The following CIP2A variants were observed in gnomAD, a reference collection of about 807,000 sequenced individuals.
CIP2A encodes protein CIP2A.
Under a neutral mutation model 110.9 loss-of-function variants are expected in CIP2A, and 103 were observed. The ratio of observed to expected loss-of-function variants is 0.93; its 90% CI spans 0.79 to 1.09. CIP2A has a LOEUF of 1.09. CIP2A is among the 50% of genes least tolerant of loss of function. CIP2A has a pLI of 0.00. For missense variants in CIP2A, 1,088 were observed against 1,038.4 expected (o/e 1.05, Z -0.66); for synonymous variants, 381 against 361.6 (o/e 1.05, Z -0.61).
chr3:108,569,720 A>C (rs577471195), intron 8 of CIP2A, 113 bp from the exon 9 acceptor site: 2 of 791,328 alleles, frequency 2.5e-6, no homozygotes, highest in African/African-American at 3.5e-5. Flanking sequence ...ATTCTAAAAC[A>C]AAACTTAAGT....
At position 108,553,892 on chromosome 3, in the gene CIP2A, AAT is replaced by A. The variant is rs1491580967; in HGVS notation, c.2325-164_2325-163del. Among the ~76,000 whole-genome samples, 161 of 112,006 alleles carry A rather than the reference AAT, an allele frequency of 1.4e-3. 33 individuals carry two copies. The highest frequency in any genetic ancestry group is 9.8e-4 in the South Asian group (3 of 3,068). The allele number at this position is 112,006 out of a possible 152,430, so 73.5% of individuals were successfully genotyped here. A position where few individuals can be genotyped will look rare whatever the true frequency, so the allele number is the denominator to read the frequency against. On this transcript the variant is annotated intron_variant, in intron 18 of 20. Coordinates refer to ENST00000295746, the MANE Select transcript of CIP2A (RefSeq NM_020890.3). The stretch of plus-strand genomic sequence containing the variant: ...ATGGTGAAACCCCGTCTCTACTAAA[AAT>A]ATAAAAAAAAAAAAAAAAAAAAAAA...
intron 12 of CIP2A, among the ~76,000 whole-genome samples, chr3:108,564,942 A>G (rs1938131678): frequency 6.6e-6 from 1 of 151,820 alleles, no homozygotes; most frequent in Admixed American, 6.6e-5. Context: ...CAGCCCTTCT[A>G]ATTATCACAA....
intron 8 of CIP2A, among the ~76,000 whole-genome samples, chr3:108,573,766 T>C (rs918146748): frequency 6.6e-6 from 1 of 152,154 alleles, no homozygotes; most frequent in East Asian, 1.9e-4. Context: ...AGTAACAAAC[T>C]TTGTACTGTT....
Position 108,582,979 on chromosome 3 carries a change from G to A in CIP2A, c.355C>T (p.Gln119Ter). The A allele has an allele frequency of 1.2e-6, 2 of 1,601,758 alleles. No homozygotes were observed. The highest frequency in any genetic ancestry group is 1.7e-6 in the Non-Finnish European group (2 of 1,170,936). ...ATACACTGTGTGGGTCTGTATACCTGCAAAAACACCGAATCAGTGTGGCTG... is the reference window on the plus strand; with the variant it reads ...ATACACTGTGTGGGTCTGTATACCTACAAAAACACCGAATCAGTGTGGCTG... ...RSSHTDSVFL[Q>*]CIQLLQKLTY... Residue 119 changes from glutamine (Q) to a stop codon, truncating the protein, a stop_gained and splice_region_variant, in exon 3 of 21, where the codon CAG (glutamine) becomes TAG (stop). Transcript: ENST00000295746. LOFTEE classifies it high-confidence loss of function.
At chr3:108,570,908 C>G (rs532312384) in intron 8 of CIP2A, among the ~76,000 whole-genome samples, 17 of 152,276 alleles carry the variant, frequency 1.1e-4, no homozygotes, top group African/African-American at 3.8e-4. Context: ...GAGAAACACA[C>G]TGTACAGCTA....
intron 3 of CIP2A, 134 bp downstream of exon 3, chr3:108,582,843 G>T: frequency 2.3e-6 from 1 of 431,400 alleles, no homozygotes; most frequent in Non-Finnish European, 4.2e-6. Flanking sequence ...AGCTTTTAAT[G>T]AGATGAACTG....
intron 7 of CIP2A, among the ~76,000 whole-genome samples, chr3:108,576,830 C>A (rs1431237603): frequency 6.6e-6 from 1 of 152,104 alleles, no homozygotes; most frequent in Non-Finnish European, 1.5e-5. Context: ...TACTGTGGGA[C>A]CCCTAGCATT....
chr3:108,561,522 A>C (rs1415521641), intron 13 of CIP2A, among the ~76,000 whole-genome samples: 1 of 151,988 alleles, frequency 6.6e-6, no homozygotes, highest in African/African-American at 2.4e-5. Context: ...TAAATTAATT[A>C]AGCAGTTGTG....
chr3:108,585,266 TCTC>T, intron 1 of CIP2A, 54 bp from the exon 2 acceptor site: 1 of 1,474,546 alleles, frequency 6.8e-7, no homozygotes, highest in Middle Eastern at 2.2e-4. Context: ...TTTCATCTCT[TCTC>T]CATTTCAAAT....
At chr3:108,564,842 A>G (rs1938126745) in intron 12 of CIP2A, among the ~76,000 whole-genome samples, 1 of 151,842 alleles carries the variant, frequency 6.6e-6, no homozygotes, top group Non-Finnish European at 1.5e-5. Flanking sequence ...ACTTTGAACT[A>G]AATTTGTTGT....
chr3:108,576,785 AGGGGCAGCAACCC>A (rs1244176354), intron 7 of CIP2A, among the ~76,000 whole-genome samples: 1 of 152,176 alleles, frequency 6.6e-6, no homozygotes, highest in African/African-American at 2.4e-5. Context: ...TAAAGAAGTA[AGGGGCAGCAACCC>A]GCGTTACACA....
intron 9 of CIP2A, among the ~76,000 whole-genome samples, chr3:108,569,056 C>G (rs899909189): frequency 3.3e-5 from 5 of 150,122 alleles, no homozygotes; most frequent in African/African-American, 1.2e-4. Flanking sequence ...GCCTACTAAA[C>G]TTGGTAGATG....
chr3:108,573,029 AAATGCT>A (rs780089108), intron 8 of CIP2A, among the ~76,000 whole-genome samples: 62 of 152,182 alleles, frequency 4.1e-4, no homozygotes, highest in Non-Finnish European at 6.2e-4. Flanking sequence ...AAATTTTATC[AAATGCT>A]ATTCCACCTT....
intron 16 of CIP2A, 130 bp downstream of exon 16, chr3:108,559,627 G>C (rs1379479996): frequency 1.9e-5 from 9 of 472,314 alleles, no homozygotes; most frequent in Non-Finnish European, 2.9e-5. Context: ...ATTTCAGGAA[G>C]AAGGAAGGAG....
chr3:108,576,893 G>C, intron 7 of CIP2A, among the ~76,000 whole-genome samples: 1 of 152,138 alleles, frequency 6.6e-6, no homozygotes, highest in East Asian at 1.9e-4. Flanking sequence ...CCCTGACAGG[G>C]AGTTCACAGT....
At chr3:108,576,620 A>G (rs1938662214) in intron 7 of CIP2A, among the ~76,000 whole-genome samples, 1 of 152,202 alleles carries the variant, frequency 6.6e-6, no homozygotes, top group Non-Finnish European at 1.5e-5. Flanking sequence ...AATACACATC[A>G]CTATTAAAAT....
chr3:108,559,035 C>A (rs1937908189), intron 16 of CIP2A, among the ~76,000 whole-genome samples: 1 of 151,912 alleles, frequency 6.6e-6, no homozygotes, highest in Non-Finnish European at 1.5e-5. Context: ...GGGGGTAGAA[C>A]CAAGGAAAGA....
chr3:108,551,879 T>G (rs1937605490), intron 20 of CIP2A, among the ~76,000 whole-genome samples: 1 of 152,140 alleles, frequency 6.6e-6, no homozygotes, highest in Non-Finnish European at 1.5e-5. Context: ...AACCTCAGAC[T>G]CAGTTTCTTC....
intron 16 of CIP2A, among the ~76,000 whole-genome samples, chr3:108,559,173 A>C (rs562524890): frequency 2.6e-5 from 4 of 152,184 alleles, no homozygotes; most frequent in African/African-American, 7.2e-5. Context: ...AAGCAGAGAT[A>C]GGGCAGAAAA....
Sources: gnomAD v4.1 joint callset for allele counts (sites outside exome capture counted in the v4.1 genomes callset) on GRCh38, gnomAD v4.1.1 for gene constraint, MANE v1.5 for transcripts, NCBI Gene and HGNC (gene_info 2026-07-23, HGNC 2026-07-21) for gene names.